Variants in NPEPPS observed in about 807,000 individuals in gnomAD.
The protein encoded by NPEPPS is puromycin-sensitive aminopeptidase.
Under a neutral mutation model 115.5 loss-of-function variants are expected in NPEPPS, and 14 were observed. The ratio of observed to expected loss-of-function variants is 0.12; its 90% CI spans 0.08 to 0.19. NPEPPS has a LOEUF of 0.19. NPEPPS is among the 10% of genes least tolerant of loss of function. The probability of loss-of-function intolerance (pLI) is 1.00; values close to 1 mark genes in which losing one functional copy is unlikely to be tolerated. For missense variants in NPEPPS, 523 were observed against 1,110.8 expected (o/e 0.47, Z 7.52); for synonymous variants, 285 against 390.6 (o/e 0.73, Z 3.19).
chr17:47,557,850 C>T (rs1418540161), intron 2 of NPEPPS, among the ~76,000 whole-genome samples: 2 of 147,300 alleles, frequency 1.4e-5, no homozygotes, highest in African/African-American at 2.4e-5. Flanking sequence ...ATATTCATCA[C>T]CCTAGAACAT....
At chr17:47,619,402 A>T (rs977883408) in intron 21 of NPEPPS, 176 of 525,970 alleles carry the variant, frequency 3.3e-4, no homozygotes, top group Non-Finnish European at 5.0e-4. Flanking sequence ...AAAAATACAA[A>T]AATTAGCTGA....
intron 1 of NPEPPS, among the ~76,000 whole-genome samples, chr17:47,535,931 G>A (rs1205344924): frequency 6.6e-6 from 1 of 150,478 alleles, no homozygotes; most frequent in African/African-American, 2.5e-5. Context: ...CTGCCTCCCG[G>A]GTTCAAGCAA....
intron 4 of NPEPPS, chr17:47,580,603 CATA>C (rs1911814493): frequency 6.6e-6 from 1 of 152,010 alleles, no homozygotes; most frequent in Non-Finnish European, 1.5e-5. Context: ...CCCTATTAGA[CATA>C]ATATTACAGA....
chr17:47,545,249 A>G (rs1909115161), intron 1 of NPEPPS, among the ~76,000 whole-genome samples: 1 of 152,166 alleles, frequency 6.6e-6, no homozygotes, highest in South Asian at 2.1e-4. Flanking sequence ...CTCCTGCCTC[A>G]GCCTCCCAAA....
At chr17:47,529,792 T>G (rs1389455588), upstream of NPEPPS, among the ~76,000 whole-genome samples, 2 of 107,214 alleles carry the variant, frequency 1.9e-5, no homozygotes, top group Non-Finnish European at 4.0e-5. Context: ...CCTCCTCAAT[T>G]TGCAAGGTAT....
At chr17:47,600,299 T>C (rs567857814) in intron 14 of NPEPPS, among the ~76,000 whole-genome samples, 5 of 152,120 alleles carry the variant, frequency 3.3e-5, no homozygotes, top group Non-Finnish European at 7.4e-5. Flanking sequence ...TAGCTTGGCA[T>C]GGTGGCATGC....
chr17:47,606,003 G>A lies in NPEPPS; in HGVS notation c.2095+451G>A, dbSNP rs573376837. ...AGTGATTCTCCTGCCTTAGCCTCCCGAGTAGCTGGGATTACAGGCATGTGC... is the reference window on the plus strand; with the variant it reads ...AGTGATTCTCCTGCCTTAGCCTCCCAAGTAGCTGGGATTACAGGCATGTGC... On this transcript the variant is annotated intron_variant, in intron 17 of 22. Transcript: ENST00000322157. Among the ~76,000 whole-genome samples the A allele has an allele frequency of 3.9e-5, 6 of 152,144 alleles. No individual in the cohort carries two copies. In the East Asian group the frequency reaches 7.7e-4, roughly 20 times the overall value.
intron 3 of NPEPPS, among the ~76,000 whole-genome samples, chr17:47,572,101 A>G (rs565402104): frequency 4.6e-5 from 7 of 152,076 alleles, no homozygotes; most frequent in East Asian, 1.9e-4. Flanking sequence ...GGAGAAAGCT[A>G]GAACACAAAG....
In NPEPPS at chr17:47,623,085, TACC is replaced by T. The variant is rs1032334064; in HGVS notation, c.*1166_*1168del. ...AAATCTCATTCCCTTCTTCTTTCCC[TACC>T]TTTTTTTTCTTTTTTTCTTAAAAAA... On this transcript the variant is annotated 3_prime_UTR_variant, in exon 23 of 23. Coordinates refer to ENST00000322157, the MANE Select transcript of NPEPPS (RefSeq NM_006310.4). 7.5e-6 allele frequency: 2 copies of T among 265,490 alleles called. No individual in the cohort carries two copies. The highest frequency in any genetic ancestry group is 1.5e-5 in the Non-Finnish European group (2 of 135,240). The allele number at this position is 265,490 out of a possible 1,614,324, so 16.4% of individuals were successfully genotyped here.
At chr17:47,596,245 A>G (rs1030989146) in intron 12 of NPEPPS, 108 bp from the exon 13 acceptor site, 17 of 652,398 alleles carry the variant, frequency 2.6e-5, no homozygotes, top group Non-Finnish European at 4.3e-5. Context: ...CCTGAACCTG[A>G]AAGAACCAAA....
chr17:47,541,873 TGAA>T (rs1044394630), intron 1 of NPEPPS, among the ~76,000 whole-genome samples: 1 of 152,202 alleles, frequency 6.6e-6, no homozygotes, highest in African/African-American at 2.4e-5. Context: ...TTTTGAAACA[TGAA>T]GATTTATGAG....
chr17:47,579,839 T>G (rs1281326776), intron 4 of NPEPPS: 1 of 188,494 alleles, frequency 5.3e-6, no homozygotes, highest in Admixed American at 5.4e-5. Context: ...CCTACAGTAT[T>G]ATTAGCTGTT....
In NPEPPS at chr17:47,596,331, A is replaced by G. The variant is rs750851091; in HGVS notation, c.1427-22A>G. The G allele has an allele frequency of 3.7e-6, 5 of 1,368,802 alleles. No individual in the cohort carries two copies. In the African/African-American group the frequency reaches 7.3e-5, roughly 20 times the overall value. 84.8% of individuals were successfully genotyped at this position (1,368,802 alleles called of 1,614,324 possible). A position where few individuals can be genotyped will look rare whatever the true frequency, so the allele number is the denominator to read the frequency against. ...GAAAATAAAAATATAAACATTTTAGATTATCATTGTTTATCTTCTAGAGGA... is the reference window on the plus strand; with the variant it reads ...GAAAATAAAAATATAAACATTTTAGGTTATCATTGTTTATCTTCTAGAGGA... On this transcript the variant is annotated intron_variant, in intron 12 of 22. Coordinates refer to ENST00000322157, the MANE Select transcript of NPEPPS (RefSeq NM_006310.4).
chr17:47,524,810 T>A (rs1249706644), intron 1 of NPEPPS, among the ~76,000 whole-genome samples: 1 of 150,834 alleles, frequency 6.6e-6, no homozygotes, highest in Non-Finnish European at 1.5e-5. Context: ...GGCCAATTTT[T>A]TTTTTTTTTT....
intron 10 of NPEPPS, among the ~76,000 whole-genome samples, chr17:47,591,517 T>C (rs1912501728): frequency 6.6e-6 from 1 of 152,202 alleles, no homozygotes. Flanking sequence ...ACTTAGCCTA[T>C]CCCTACTTCA....
chr17:47,550,614 G>GTA (rs936109382), intron 2 of NPEPPS, among the ~76,000 whole-genome samples: 123 of 139,542 alleles, frequency 8.8e-4, no homozygotes, highest in Admixed American at 1.4e-3. Flanking sequence ...ATATATATAT[G>GTA]TATATATATA....
chr17:47,540,344 A>G (rs1464583856), intron 1 of NPEPPS, among the ~76,000 whole-genome samples: 1 of 152,048 alleles, frequency 6.6e-6, no homozygotes, highest in Non-Finnish European at 1.5e-5. Flanking sequence ...TGTGTTTTAA[A>G]CTGGGAAACT....
At chr17:47,619,616 T>G (rs907715471) in intron 21 of NPEPPS, 121 bp from the exon 22 acceptor site, 6 of 799,062 alleles carry the variant, frequency 7.5e-6, no homozygotes, top group Non-Finnish European at 1.3e-5. Flanking sequence ...CCATCTCCCA[T>G]CACACATCCT....
intron 13 of NPEPPS, among the ~76,000 whole-genome samples, chr17:47,597,814 G>A (rs370887398): frequency 9.2e-5 from 14 of 152,146 alleles, no homozygotes; most frequent in African/African-American, 3.1e-4. Flanking sequence ...ACATTTTCAC[G>A]TGTAAGCTTG....
Sources: gnomAD v4.1 joint callset for allele counts (sites outside exome capture counted in the v4.1 genomes callset) on GRCh38, gnomAD v4.1.1 for gene constraint, MANE v1.5 for transcripts, NCBI Gene and HGNC (gene_info 2026-07-23, HGNC 2026-07-21) for gene names.